GLRA3: variants seen among roughly 807,000 people sequenced by gnomAD.
GLRA3 encodes the protein glycine receptor alpha 3, also known as glycine receptor subunit alpha-3.
Under a neutral mutation model 60.4 loss-of-function variants are expected in GLRA3, and 44 were observed. The observed-to-expected ratio is 0.73, with a 90% CI of 0.57 to 0.94. The LOEUF (loss-of-function observed/expected upper bound fraction) is 0.94. Ranked by LOEUF, GLRA3 falls within the 40% of genes least tolerant of loss-of-function variation. The pLI is 0.00. For synonymous variants in GLRA3, 223 were observed against 192.9 expected, an observed-to-expected ratio of 1.16 and a Z score of -1.29; for missense variants, 508 against 564.6, an observed-to-expected ratio of 0.90 and a Z score of 1.02.
At chr4:174,727,511 C>T (rs917279971) in intron 4 of GLRA3, among the ~76,000 whole-genome samples, 1 of 152,162 alleles carries the variant, frequency 6.6e-6, no homozygotes, top group East Asian at 1.9e-4. Context: ...ATAACATATT[C>T]TCCCTCTTCT....
At chr4:174,756,932 C>T (rs913435196) in intron 3 of GLRA3, among the ~76,000 whole-genome samples, 1 of 152,156 alleles carries the variant, frequency 6.6e-6, no homozygotes. Context: ...AGGCGTGAGC[C>T]CCCGCGCCCG....
At chr4:174,679,155 C>A (rs1014877971) in intron 6 of GLRA3, among the ~76,000 whole-genome samples, 2 of 152,044 alleles carry the variant, frequency 1.3e-5, no homozygotes, top group Non-Finnish European at 2.9e-5. Flanking sequence ...CCCGGTGCAA[C>A]CCCGTCTCTA....
chr4:174,679,523 C>G (rs1379103350), intron 6 of GLRA3, among the ~76,000 whole-genome samples: 1 of 151,990 alleles, frequency 6.6e-6, no homozygotes, highest in Non-Finnish European at 1.5e-5. Flanking sequence ...AATAAAGGTA[C>G]CATATGGACT....
chr4:174,805,660 G>T (rs1443967604), intron 1 of GLRA3, among the ~76,000 whole-genome samples: 2 of 152,022 alleles, frequency 1.3e-5, no homozygotes, highest in Non-Finnish European at 2.9e-5. Flanking sequence ...GAGGCTTACA[G>T]GTATTTATTG....
At chr4:174,798,379 C>A (rs1211429680) in intron 1 of GLRA3, among the ~76,000 whole-genome samples, 1 of 152,120 alleles carries the variant, frequency 6.6e-6, no homozygotes, top group Non-Finnish European at 1.5e-5. Context: ...ATATTTCTAG[C>A]CACAGTTTGA....
rs1416707258 is a variant in GLRA3, at chr4:174,642,546, A to G, written c.*1240T>C. The stretch of plus-strand genomic sequence containing the variant: ...TGCACCCAATTACACTGCAAAAAAC[A>G]AGTTACTAATGCTCTGTTTTTGTTG... On this transcript the variant is annotated 3_prime_UTR_variant, in exon 10 of 10. Transcript: ENST00000274093. 1.0e-6 allele frequency: 1 copy of G among 977,158 alleles called. No homozygotes were observed. The highest frequency in any genetic ancestry group is 1.2e-6 in the Non-Finnish European group (1 of 822,550). 60.5% of individuals were successfully genotyped at this position (977,158 alleles called of 1,614,324 possible). A position where few individuals can be genotyped will look rare whatever the true frequency, so the allele number is the denominator to read the frequency against.
rs375170334 is a variant in GLRA3 at position 174,796,015 on chromosome 4, G to A, written c.72-7072C>T. Among the ~76,000 whole-genome samples the A allele has an allele frequency of 1.1e-4, 17 of 152,284 alleles. No homozygotes were observed. In the South Asian group the frequency reaches 3.3e-3, roughly 30 times the overall value. On this transcript the variant is annotated intron_variant, in intron 1 of 9. Coordinates refer to ENST00000274093, the MANE Select transcript of GLRA3 (RefSeq NM_006529.4). The stretch of plus-strand genomic sequence containing the variant: ...CTTTATGACTTGCTATGGTCTCAAT[G>A]TCATATGGTCTCAATGCCATGAATT...
At chr4:174,760,985 A>G (rs1469516683) in intron 3 of GLRA3, among the ~76,000 whole-genome samples, 1 of 152,186 alleles carries the variant, frequency 6.6e-6, no homozygotes, top group Non-Finnish European at 1.5e-5. Context: ...ATACTTCAAT[A>G]TGGTCATTTT....
At chr4:174,686,440 C>T (rs1217938229) in intron 5 of GLRA3, among the ~76,000 whole-genome samples, 1 of 152,146 alleles carries the variant, frequency 6.6e-6, no homozygotes, top group African/African-American at 2.4e-5. Flanking sequence ...AGGGAACAGA[C>T]ATTAACCCTA....
chr4:174,788,057 T>C lies in GLRA3; in HGVS notation c.199+759A>G, dbSNP rs1739188922. ...GCTTAACTGAATCCCATGAAAAAAG[T>C]GTATGTTCTTTAACTTTGTTTATTT... On this transcript the variant is annotated intron_variant, in intron 2 of 9. Transcript: ENST00000274093. Among the ~76,000 whole-genome samples, 4 of 151,708 alleles carry C rather than the reference T, an allele frequency of 2.6e-5. No individual in the cohort carries two copies. In the South Asian group the frequency reaches 8.3e-4, roughly 32 times the overall value.
intron 7 of GLRA3, 141 bp from the exon 8 acceptor site, chr4:174,659,338 G>T: frequency 1.5e-6 from 1 of 661,100 alleles, no homozygotes; most frequent in East Asian, 3.0e-5. Context: ...ATTTTTTCTT[G>T]AAGTTTCCTT....
In GLRA3 at chr4:174,728,338, C is replaced by T. The variant is rs1409670394; in HGVS notation, c.491+137G>A. On this transcript the variant is annotated intron_variant, in intron 4 of 9. Coordinates refer to ENST00000274093, the MANE Select transcript of GLRA3 (RefSeq NM_006529.4). ...TTATTGATCAGACATATTTGGGAAA[C>T]AGTCTATTAGAGGAACTGAAGTGCA... The T allele has an allele frequency of 7.3e-6, 4 of 545,284 alleles. No homozygotes were observed. The African/African-American group carries it at 7.6e-5, about 10-fold the overall frequency. The allele number at this position is 545,284 out of a possible 1,614,324, so 33.8% of individuals were successfully genotyped here.
chr4:174,692,184 G>A (rs1349546478), intron 5 of GLRA3, among the ~76,000 whole-genome samples: 10 of 151,524 alleles, frequency 6.6e-5, no homozygotes, highest in East Asian at 3.9e-4. Flanking sequence ...AGTGAGGAGC[G>A]TCTCCACCCA....
intron 4 of GLRA3, among the ~76,000 whole-genome samples, chr4:174,717,212 TTA>T (rs1491293312): frequency 1.1e-5 from 1 of 88,638 alleles, no homozygotes; most frequent in Non-Finnish European, 2.3e-5. Flanking sequence ...ATCTTGTCTC[TTA>T]AAAAAAAAAA....
At chr4:174,813,955 C>T (rs1740374336) in intron 1 of GLRA3, among the ~76,000 whole-genome samples, 1 of 152,172 alleles carries the variant, frequency 6.6e-6, no homozygotes, top group Non-Finnish European at 1.5e-5. Flanking sequence ...AGCTCTCAAA[C>T]CCTCACGGGA....
rs11424236 is a variant in GLRA3, at chr4:174,647,411, G to GAAA, written c.1117-3350_1117-3348dup. 9.8e-4 allele frequency among the ~76,000 whole-genome samples: 132 copies of GAAA among 135,006 alleles called. 2 individuals carry two copies. The highest frequency in any genetic ancestry group is 4.5e-4 in the African/African-American group (17 of 37,796). The allele number at this position is 135,006 out of a possible 152,430, so 88.6% of individuals were successfully genotyped here. A position where few individuals can be genotyped will look rare whatever the true frequency, so the allele number is the denominator to read the frequency against. ...GACAGAGTGAGAGATCCCATCTCAA[G>GAAA]AAAAAAAAAAAAAACTCATGGAAAA... On this transcript the variant is annotated intron_variant, in intron 9 of 9. Coordinates refer to ENST00000274093, the MANE Select transcript of GLRA3 (RefSeq NM_006529.4).
In GLRA3 at chr4:174,642,593, G is replaced by A; in HGVS notation, c.*1193C>T. On this transcript the variant is annotated 3_prime_UTR_variant, in exon 10 of 10. Transcript: ENST00000274093. ...GTTGAAGTAATCCCATGGGGTCATT[G>A]AAAAATTTTATGTAAAAATTTCATT... is the stretch of plus-strand genomic sequence containing the variant. 7 of 958,874 alleles carry A rather than the reference G, an allele frequency of 7.3e-6. No homozygotes were observed. Among genetic ancestry groups the A allele is most frequent in the Non-Finnish European group, 8.7e-6 (7 of 805,916 alleles). 59.4% of individuals were successfully genotyped at this position (958,874 alleles called of 1,614,324 possible).
intron 2 of GLRA3, among the ~76,000 whole-genome samples, chr4:174,783,912 C>T (rs1022511173): frequency 1.3e-5 from 2 of 151,716 alleles, no homozygotes; most frequent in Non-Finnish European, 3.0e-5. Flanking sequence ...GTCAGTGTGG[C>T]GATTCCTCAG....
chr4:174,802,916 G>A (rs540399212), intron 1 of GLRA3, among the ~76,000 whole-genome samples: 2 of 152,090 alleles, frequency 1.3e-5, no homozygotes, highest in South Asian at 4.1e-4. Context: ...TGCTTATTAG[G>A]GGTATCTATA....
Sources: allele counts gnomAD v4.1 joint callset (sites outside exome capture counted in the v4.1 genomes callset), GRCh38; gene constraint gnomAD v4.1.1; transcripts MANE v1.5; gene names NCBI Gene and HGNC (gene_info 2026-07-23, HGNC 2026-07-21).